The following WDR33 variants were observed in gnomAD, a reference collection of about 807,000 sequenced individuals.
WDR33 encodes the protein WD repeat domain 33, also known as pre-mRNA 3' end processing protein WDR33.
WDR33 carries 47 observed loss-of-function variants against 164.9 expected under a neutral mutation model. The observed-to-expected ratio is 0.29, with a 90% CI of 0.23 to 0.36. The LOEUF (loss-of-function observed/expected upper bound fraction) is 0.36, where lower values mean the gene tolerates loss of function less well. WDR33 is among the 10% of genes least tolerant of loss of function. The pLI is 1.00. For missense variants in WDR33, 1,137 were observed against 1,754.1 expected, an observed-to-expected ratio of 0.65 and a Z score of 6.28; for synonymous variants, 505 against 589.0, an observed-to-expected ratio of 0.86 and a Z score of 2.06.
Position 127,714,062 on chromosome 2 carries a change from A to G in WDR33, c.2870-41T>C. The G allele has an allele frequency of 6.7e-7, 1 of 1,484,880 alleles. No homozygotes were observed. Among genetic ancestry groups the G allele is most frequent in the Non-Finnish European group, 8.9e-7 (1 of 1,122,610 alleles). 92.0% of individuals were successfully genotyped at this position (1,484,880 alleles called of 1,614,324 possible). On this transcript the variant is annotated intron_variant, in intron 17 of 21. Coordinates refer to ENST00000322313, the MANE Select transcript of WDR33 (RefSeq NM_018383.5). The surrounding 1 kb of genome is among the most constrained non-coding windows in gnomAD (Gnocchi z 4.3). ...CTGACTTTTACCATGTCTTCCAGGA[A>G]ACCTGCCAACATAGGTCTGATCTGT... is the stretch of plus-strand genomic sequence containing the variant.
At chr2:127,756,075 C>T (rs1029262997) in intron 7 of WDR33, among the ~76,000 whole-genome samples, 2 of 152,028 alleles carry the variant, frequency 1.3e-5, no homozygotes, top group African/African-American at 2.4e-5. Flanking sequence ...GGCTCACACC[C>T]GTAATGACTA....
At chr2:127,765,051 A>G in intron 5 of WDR33, 72 bp from the exon 6 acceptor site, 2 of 1,573,622 alleles carry the variant, frequency 1.3e-6, no homozygotes, top group Non-Finnish European at 1.7e-6. Flanking sequence ...TTACAAGAGC[A>G]TATAACTGAC....
intron 1 of WDR33, among the ~76,000 whole-genome samples, chr2:127,788,321 CG>C (rs1358328615): frequency 8.6e-6 from 1 of 116,796 alleles, no homozygotes; most frequent in Non-Finnish European, 1.8e-5. Flanking sequence ...CCCTCCCGGA[CG>C]GGGCGGCTGG....
intron 17 of WDR33, among the ~76,000 whole-genome samples, chr2:127,715,711 T>C (rs1394361823): frequency 6.6e-6 from 1 of 152,206 alleles, no homozygotes; most frequent in Non-Finnish European, 1.5e-5. Context: ...AGCTAAACAT[T>C]TTCCGTTTGG....
Position 127,776,659 on chromosome 2 carries a change from C to T in WDR33, c.-23-5655G>A, listed in dbSNP as rs1227601510. ...GCTGCAGTGAACCAATGTTGCACCA[C>T]TGCACTCCAGCCTGGGTGTCACAGT... On this transcript the variant is annotated intron_variant, in intron 1 of 21. Coordinates refer to ENST00000322313, the MANE Select transcript of WDR33 (RefSeq NM_018383.5). Among the ~76,000 whole-genome samples, 4 of 152,290 alleles carry T rather than the reference C, an allele frequency of 2.6e-5. No individual in the cohort carries two copies. In the South Asian group the frequency reaches 8.3e-4, roughly 32 times the overall value.
intron 7 of WDR33, among the ~76,000 whole-genome samples, chr2:127,745,082 C>T (rs772243251): frequency 1.3e-5 from 2 of 152,090 alleles, no homozygotes; most frequent in Non-Finnish European, 2.9e-5. Flanking sequence ...GATCACAGGA[C>T]CAGATATAGA....
intron 1 of WDR33, among the ~76,000 whole-genome samples, chr2:127,778,821 A>G (rs1558951364): frequency 6.6e-6 from 1 of 152,196 alleles, no homozygotes; most frequent in Non-Finnish European, 1.5e-5. Flanking sequence ...TTCCCCAACC[A>G]AACATAATTC....
At chr2:127,711,778 A>ATTTTTTTTTTTTTTTTTTTTTTT (rs1375261650) in intron 18 of WDR33, among the ~76,000 whole-genome samples, 2 of 93,054 alleles carry the variant, frequency 2.1e-5, no homozygotes, top group African/African-American at 5.9e-5. Flanking sequence ...ATATATATAT[A>ATTTTTTTTTTTTTTTTTTTTTTT]TATTTTTTTT....
intron 18 of WDR33, among the ~76,000 whole-genome samples, chr2:127,711,773 TATA>T (rs1384929570): frequency 2.8e-4 from 27 of 95,198 alleles, no homozygotes; most frequent in East Asian, 5.5e-4. Context: ...TATATATATA[TATA>T]TATATTTTTT....
intron 7 of WDR33, among the ~76,000 whole-genome samples, chr2:127,731,294 C>CAAAAA (rs35161101): frequency 4.3e-4 from 30 of 70,304 alleles, no homozygotes; most frequent in African/African-American, 1.3e-3. Flanking sequence ...GACCCTGCCT[C>CAAAAA]AAAAAAAAAA....
rs770865933 is a variant in WDR33 at position 127,713,644 on chromosome 2, C to G, written c.3247G>C (p.Gly1083Arg). ...PPGAWEGRRPGDERFPRDPED... is the reference protein window; with the variant it reads ...PPGAWEGRRPRDERFPRDPED... ...GGATCCCGGGGGAAACGTTCATCTCCGGGCCTGCGGCCTTCCCATGCCCCC... is the reference window on the plus strand; with the variant it reads ...GGATCCCGGGGGAAACGTTCATCTCGGGGCCTGCGGCCTTCCCATGCCCCC... The change falls in exon 18 of 22, where the codon GGA (glycine) becomes CGA (arginine). Residue 1083 changes from glycine (G) to arginine (R), a missense_variant. Transcript: ENST00000322313. The surrounding 1 kb of genome is among the most constrained non-coding windows in gnomAD (Gnocchi z 6.2). 6.2e-7 allele frequency: 1 copy of G among 1,614,256 alleles called. No individual in the cohort carries two copies. Among genetic ancestry groups the G allele is most frequent in the African/African-American group, 1.3e-5 (1 of 75,074 alleles).
chr2:127,788,478 AC>A (rs1688697483), intron 1 of WDR33, among the ~76,000 whole-genome samples: 2 of 27,208 alleles, frequency 7.4e-5, no homozygotes, highest in African/African-American at 1.6e-4. Flanking sequence ...GGGGGCTGAC[AC>A]CCCCACCTCC....
rs1311704379 is a variant in WDR33, at chr2:127,714,285, T to C, written c.2870-264A>G. On this transcript the variant is annotated intron_variant, in intron 17 of 21. Coordinates refer to ENST00000322313, the MANE Select transcript of WDR33 (RefSeq NM_018383.5). The surrounding 1 kb of genome is among the most constrained non-coding windows in gnomAD (Gnocchi z 4.3). Reference sequence around the variant, plus strand: ...AGATCAGCAGCATCTGTCCATCTCTTAGTATACACTGGAAAAATGAGAGAG... The same window carrying C: ...AGATCAGCAGCATCTGTCCATCTCTCAGTATACACTGGAAAAATGAGAGAG... 6.6e-6 allele frequency among the ~76,000 whole-genome samples: 1 copy of C among 152,192 alleles called. No individual in the cohort carries two copies. The highest frequency in any genetic ancestry group is 1.5e-5 in the Non-Finnish European group (1 of 68,034).
At chr2:127,760,368 A>G (rs1469803441) in intron 7 of WDR33, among the ~76,000 whole-genome samples, 1 of 152,240 alleles carries the variant, frequency 6.6e-6, no homozygotes, top group African/African-American at 2.4e-5. Context: ...TGCGTGTTAC[A>G]TGAACATCAT....
chr2:127,771,556 C>T (rs976872463), intron 1 of WDR33, among the ~76,000 whole-genome samples: 2 of 152,088 alleles, frequency 1.3e-5, no homozygotes, highest in East Asian at 1.9e-4. Context: ...GCGGAAGGAT[C>T]GCTTGAGGCC....
chr2:127,711,768 A>AAATTTTTTTTTTT (rs1686174734), intron 18 of WDR33, among the ~76,000 whole-genome samples: 1 of 70,268 alleles, frequency 1.4e-5, no homozygotes, highest in Non-Finnish European at 2.4e-5. Flanking sequence ...ATATATATAT[A>AAATTTTTTTTTTT]TATATATATA....
At chr2:127,730,077 A>C (rs758601950) in intron 7 of WDR33, among the ~76,000 whole-genome samples, 2 of 152,224 alleles carry the variant, frequency 1.3e-5, no homozygotes, top group Non-Finnish European at 2.9e-5. Context: ...AAGGGAAAGA[A>C]GGAGACTTTT....
chr2:127,737,991 C>T (rs1686901136), intron 7 of WDR33: 1 of 1,611,030 alleles, frequency 6.2e-7, no homozygotes, highest in South Asian at 1.1e-5. Context: ...TAAACTTTGT[C>T]CACCTACTGT....
At chr2:127,793,228 C>T (rs1386411246) in intron 1 of WDR33, among the ~76,000 whole-genome samples, 2 of 151,656 alleles carry the variant, frequency 1.3e-5, no homozygotes, top group Non-Finnish European at 2.9e-5. Context: ...GTCAAGAGTT[C>T]GAGACCAGCC....
Sources: allele counts gnomAD v4.1 joint callset (sites outside exome capture counted in the v4.1 genomes callset), GRCh38; gene constraint gnomAD v4.1.1; non-coding constraint Gnocchi (gnomAD v3.1); transcripts MANE v1.5; gene names NCBI Gene and HGNC (gene_info 2026-07-23, HGNC 2026-07-21).